The following ARHGAP42 variants were observed in gnomAD, a reference collection of about 807,000 sequenced individuals.
The protein encoded by ARHGAP42 is rho GTPase-activating protein 42.
ARHGAP42 carries 63 observed loss-of-function variants against 125.0 expected under a neutral mutation model. The ratio of observed to expected loss-of-function variants is 0.50; its 90% CI spans 0.41 to 0.62. The LOEUF (loss-of-function observed/expected upper bound fraction) is 0.62, where lower values mean the gene tolerates loss of function less well. ARHGAP42 is among the 20% of genes least tolerant of loss of function. The pLI is 0.00. For missense variants in ARHGAP42, 766 were observed against 1,024.2 expected, an observed-to-expected ratio of 0.75 and a Z score of 3.44; for synonymous variants, 339 against 351.0, an observed-to-expected ratio of 0.97 and a Z score of 0.38.
intron 12 of ARHGAP42, among the ~76,000 whole-genome samples, chr11:100,955,577 G>A (rs931212923): frequency 2.6e-5 from 4 of 152,072 alleles, no homozygotes; most frequent in South Asian, 4.1e-4. Flanking sequence ...CAATCAATAA[G>A]CATGTATTGG....
At chr11:100,966,188 A>G (rs1443271047) in intron 17 of ARHGAP42, among the ~76,000 whole-genome samples, 1 of 152,092 alleles carries the variant, frequency 6.6e-6, no homozygotes, top group Admixed American at 6.6e-5. Flanking sequence ...GATTCCCTCC[A>G]TGTATTCATG....
intron 20 of ARHGAP42, 68 bp from the exon 21 acceptor site, chr11:100,976,747 C>T (rs1384877311): frequency 8.6e-6 from 13 of 1,518,552 alleles, no homozygotes; most frequent in South Asian, 2.5e-5. Flanking sequence ...TTGTTATGCA[C>T]ATGTACGTGT....
intron 1 of ARHGAP42, among the ~76,000 whole-genome samples, chr11:100,715,048 C>CAAAAA (rs36017086): frequency 6.5e-5 from 4 of 61,898 alleles, no homozygotes; most frequent in Non-Finnish European, 8.5e-5. Context: ...AACCCTATCT[C>CAAAAA]AAAAAAAAAA....
chr11:100,953,348 A>G (rs2097017786), intron 12 of ARHGAP42, among the ~76,000 whole-genome samples: 1 of 152,188 alleles, frequency 6.6e-6, no homozygotes, highest in African/African-American at 2.4e-5. Flanking sequence ...TTTGCATAAT[A>G]TGTATTTGTG....
chr11:100,870,620 G>A lies in ARHGAP42; in HGVS notation c.384+10995G>A, dbSNP rs1865673240. Among the ~76,000 whole-genome samples, 3 of 152,276 alleles carry A rather than the reference G, an allele frequency of 2.0e-5. No homozygotes were observed. In the South Asian group the frequency reaches 6.2e-4, roughly 32 times the overall value. ...TTTCTGCTTTTCAAACTTAAATGGT[G>A]AGAAATATTCTAAAGTACTTAGGAA... is the stretch of plus-strand genomic sequence containing the variant. On this transcript the variant is annotated intron_variant, in intron 4 of 23. Transcript: ENST00000298815.
At chr11:100,965,568 G>C in intron 16 of ARHGAP42, 103 bp from the exon 17 acceptor site, 1 of 935,720 alleles carries the variant, frequency 1.1e-6, no homozygotes, top group Non-Finnish European at 1.7e-6. Context: ...TGCCTATGAG[G>C]CATGAGGGGT....
intron 3 of ARHGAP42, among the ~76,000 whole-genome samples, chr11:100,812,787 T>G (rs997170696): frequency 1.3e-5 from 2 of 152,124 alleles, no homozygotes; most frequent in Non-Finnish European, 2.9e-5. Context: ...TGGGAAGAGA[T>G]AAAGTGTGGT....
chr11:100,751,192 G>A (rs1031309250), intron 1 of ARHGAP42, among the ~76,000 whole-genome samples: 2 of 151,284 alleles, frequency 1.3e-5, no homozygotes, highest in Non-Finnish European at 2.9e-5. Flanking sequence ...TCCTGCCTTC[G>A]CCTCCCAAAG....
intron 11 of ARHGAP42, 74 bp downstream of exon 11, chr11:100,948,609 A>C: frequency 8.2e-7 from 1 of 1,218,944 alleles, no homozygotes. Context: ...TTCTTTTCAT[A>C]GTATACAATG....
At chr11:100,876,387 C>T (rs186763107) in intron 4 of ARHGAP42, among the ~76,000 whole-genome samples, 21 of 151,978 alleles carry the variant, frequency 1.4e-4, no homozygotes, top group Admixed American at 9.8e-4. Context: ...TGTAGTTGGA[C>T]GTATTTAAAT....
intron 3 of ARHGAP42, among the ~76,000 whole-genome samples, chr11:100,809,375 T>C (rs1864083455): frequency 6.6e-6 from 1 of 152,222 alleles, no homozygotes; most frequent in Non-Finnish European, 1.5e-5. Flanking sequence ...TTCCTTTGAA[T>C]ATAGAGCTAT....
intron 1 of ARHGAP42, among the ~76,000 whole-genome samples, chr11:100,761,013 A>G (rs934078208): frequency 7.2e-5 from 11 of 152,102 alleles, no homozygotes; most frequent in Non-Finnish European, 1.0e-4. Flanking sequence ...GGGCAGTGGT[A>G]TGGGTGGGTA....
chr11:100,720,628 C>T (rs1213905264), intron 1 of ARHGAP42, among the ~76,000 whole-genome samples: 2 of 151,906 alleles, frequency 1.3e-5, no homozygotes, highest in African/African-American at 4.8e-5. Context: ...ACCCCAAGAA[C>T]TTAAAATGAG....
chr11:100,847,443 C>G (rs187095804), intron 3 of ARHGAP42, among the ~76,000 whole-genome samples: 28 of 152,172 alleles, frequency 1.8e-4, no homozygotes, highest in African/African-American at 6.3e-4. Flanking sequence ...TAAGGAGATG[C>G]CTTTTCTTTA....
chr11:100,848,403 G>T (rs940860256), intron 3 of ARHGAP42, among the ~76,000 whole-genome samples: 4 of 152,118 alleles, frequency 2.6e-5, no homozygotes, highest in African/African-American at 9.7e-5. Context: ...TGTGTTTGGG[G>T]ACCGGGTTAA....
intron 8 of ARHGAP42, 39 bp from the exon 9 acceptor site, chr11:100,941,745 A>C: frequency 3.1e-6 from 4 of 1,283,030 alleles, no homozygotes; most frequent in Non-Finnish European, 4.3e-6. Flanking sequence ...CAAATCATTT[A>C]TTAACAAAAT....
intron 3 of ARHGAP42, among the ~76,000 whole-genome samples, chr11:100,846,684 G>A (rs941849929): frequency 6.6e-6 from 1 of 152,044 alleles, no homozygotes; most frequent in Non-Finnish European, 1.5e-5. Context: ...TGCACACTGT[G>A]GTCTGCAGAG....
chr11:100,859,480 T>C (rs1865394830), intron 3 of ARHGAP42, 74 bp from the exon 4 acceptor site: 1 of 1,285,208 alleles, frequency 7.8e-7, no homozygotes, highest in Admixed American at 2.6e-5. Context: ...ATACATTGGA[T>C]AAAGTAGCCA....
chr11:100,711,098 G>T (rs530938751), intron 1 of ARHGAP42, among the ~76,000 whole-genome samples: 107 of 152,318 alleles, frequency 7.0e-4, no homozygotes, highest in Non-Finnish European at 1.1e-3. Flanking sequence ...TTAACACTGT[G>T]ATATTCCAGA....
Sources: allele counts gnomAD v4.1 joint callset (sites outside exome capture counted in the v4.1 genomes callset), GRCh38; gene constraint gnomAD v4.1.1; transcripts MANE v1.5; gene names NCBI Gene and HGNC (gene_info 2026-07-23, HGNC 2026-07-21).